Variants in CSMD3 observed in about 807,000 individuals in gnomAD.
CSMD3 encodes the protein CUB and sushi domain-containing protein 3.
A neutral mutation model predicts 435.2 loss-of-function variants in CSMD3; 177 were observed. The observed-to-expected ratio is 0.41, with a 90% CI of 0.36 to 0.46. The LOEUF (loss-of-function observed/expected upper bound fraction) is 0.46, where lower values mean the gene tolerates loss of function less well. CSMD3 is among the 20% of genes least tolerant of loss of function. The pLI is 0.34. For synonymous variants in CSMD3, 1,656 were observed against 1,520.5 expected, an observed-to-expected ratio of 1.09 and a Z score of -2.07; for missense variants, 4,265 against 4,504.6, an observed-to-expected ratio of 0.95 and a Z score of 1.52.
intron 10 of CSMD3, among the ~76,000 whole-genome samples, chr8:112,875,048 G>A (rs1367822553): frequency 2.0e-5 from 3 of 152,252 alleles, no homozygotes; most frequent in Admixed American, 6.5e-5. Context: ...TTTTGCAGTG[G>A]CTGGTACTGG....
chr8:113,206,178 C>T (rs2092768811), intron 3 of CSMD3, among the ~76,000 whole-genome samples: 1 of 152,020 alleles, frequency 6.6e-6, no homozygotes, highest in Non-Finnish European at 1.5e-5. Flanking sequence ...AACGAGACTA[C>T]AAAATTGCAC....
intron 15 of CSMD3, among the ~76,000 whole-genome samples, chr8:112,682,912 A>G (rs2075933318): frequency 6.6e-6 from 1 of 152,144 alleles, no homozygotes; most frequent in East Asian, 1.9e-4. Context: ...TTATTTCTGG[A>G]GACCATGAGA....
At chr8:113,167,595 A>G (rs1036036225) in intron 4 of CSMD3, among the ~76,000 whole-genome samples, 7 of 152,204 alleles carry the variant, frequency 4.6e-5, no homozygotes, top group African/African-American at 1.7e-4. Flanking sequence ...TGATAGGGCT[A>G]TTGAGTGTTG....
chr8:113,103,042 G>A (rs1225837173), intron 4 of CSMD3, among the ~76,000 whole-genome samples: 2 of 152,054 alleles, frequency 1.3e-5, no homozygotes, highest in Non-Finnish European at 2.9e-5. Flanking sequence ...ATCTCGTTTT[G>A]ACTATATTAT....
intron 3 of CSMD3, among the ~76,000 whole-genome samples, chr8:113,262,019 G>A (rs1046980414): frequency 6.6e-6 from 1 of 151,918 alleles, no homozygotes; most frequent in Non-Finnish European, 1.5e-5. Flanking sequence ...CAGCATTAAA[G>A]GTCATGTCTT....
chr8:113,104,025 A>G (rs2090405447), intron 4 of CSMD3, among the ~76,000 whole-genome samples: 1 of 152,088 alleles, frequency 6.6e-6, no homozygotes, highest in Non-Finnish European at 1.5e-5. Context: ...CATGGCTGTT[A>G]ATAAAAAAAT....
chr8:112,652,884 T>A (rs1312792671), intron 18 of CSMD3, among the ~76,000 whole-genome samples: 1 of 152,164 alleles, frequency 6.6e-6, no homozygotes, highest in Admixed American at 6.5e-5. Context: ...CTTGGCTCAC[T>A]GCAGCCTCCA....
At chr8:112,722,473 G>A (rs1008719368) in intron 13 of CSMD3, among the ~76,000 whole-genome samples, 1 of 152,116 alleles carries the variant, frequency 6.6e-6, no homozygotes, top group African/African-American at 2.4e-5. Context: ...GTGAAAGCAC[G>A]TGGTATTTGC....
At chr8:112,325,022 C>A (rs567998980) in intron 45 of CSMD3, among the ~76,000 whole-genome samples, 1 of 152,162 alleles carries the variant, frequency 6.6e-6, no homozygotes, top group African/African-American at 2.4e-5. Flanking sequence ...TTCATCCCCA[C>A]CTATTAACCA....
At chr8:113,195,814 T>TATACACACAC (rs1344054794) in intron 3 of CSMD3, among the ~76,000 whole-genome samples, 33 of 133,442 alleles carry the variant, frequency 2.5e-4, no homozygotes, top group African/African-American at 9.6e-4. Context: ...TATATATATA[T>TATACACACAC]ACACACACAC....
chr8:112,424,589 C>T (rs562093292), intron 32 of CSMD3, among the ~76,000 whole-genome samples: 1 of 152,284 alleles, frequency 6.6e-6, no homozygotes, highest in South Asian at 2.1e-4. Flanking sequence ...TAAAATTATT[C>T]AGTTTCCCTA....
intron 4 of CSMD3, among the ~76,000 whole-genome samples, chr8:113,152,448 C>T (rs1042882460): frequency 6.6e-6 from 1 of 151,982 alleles, no homozygotes; most frequent in African/African-American, 2.4e-5. Context: ...CATATTCACA[C>T]GTGAACACCT....
At chr8:113,106,304 C>A (rs1055632891) in intron 4 of CSMD3, among the ~76,000 whole-genome samples, 18 of 151,476 alleles carry the variant, frequency 1.2e-4, no homozygotes, top group Admixed American at 2.6e-4. Context: ...CGTTAAGAGA[C>A]ACAAAATATA....
intron 6 of CSMD3, among the ~76,000 whole-genome samples, chr8:113,003,662 G>A (rs2085948461): frequency 6.6e-6 from 1 of 151,990 alleles, no homozygotes; most frequent in Non-Finnish European, 1.5e-5. Context: ...GATTTTTTTA[G>A]CGAGATGCTT....
chr8:112,581,984 G>A (rs1025418962), intron 23 of CSMD3, among the ~76,000 whole-genome samples: 3 of 151,998 alleles, frequency 2.0e-5, no homozygotes, highest in Non-Finnish European at 4.4e-5. Flanking sequence ...CTGAGCAAAC[G>A]GCTTGGTGTT....
intron 49 of CSMD3, 138 bp downstream of exon 49, chr8:112,313,768 A>T: frequency 1.5e-6 from 1 of 656,712 alleles, no homozygotes; most frequent in East Asian, 2.6e-5. Flanking sequence ...TAGAGAGGTT[A>T]CATAAATTGT....
At chr8:112,475,208 G>T (rs2130769429) in intron 31 of CSMD3, among the ~76,000 whole-genome samples, 1 of 152,272 alleles carries the variant, frequency 6.6e-6, no homozygotes, top group Admixed American at 6.5e-5. Context: ...CTCAAGTTCA[G>T]TTCTGTAACT....
At chr8:113,284,578 GA>G (rs1563650691) in intron 2 of CSMD3, among the ~76,000 whole-genome samples, 1 of 152,000 alleles carries the variant, frequency 6.6e-6, no homozygotes, top group Non-Finnish European at 1.5e-5. Flanking sequence ...AATATAGTTC[GA>G]AAACTTATTT....
chr8:113,303,750 C>T (rs1282936972), intron 2 of CSMD3, among the ~76,000 whole-genome samples: 2 of 134,796 alleles, frequency 1.5e-5, no homozygotes, highest in Non-Finnish European at 3.1e-5. Flanking sequence ...ACACCTTATA[C>T]AAAAATCAAT....
Sources: gnomAD v4.1 joint callset for allele counts (sites outside exome capture counted in the v4.1 genomes callset) on GRCh38, gnomAD v4.1.1 for gene constraint, MANE v1.5 for transcripts, NCBI Gene and HGNC (gene_info 2026-07-23, HGNC 2026-07-21) for gene names.